The following ULK4 variants were observed in gnomAD, a reference collection of about 807,000 sequenced individuals.
The protein encoded by ULK4 is inactive serine/threonine-protein kinase ULK4.
In ULK4, 133 loss-of-function variants were observed where a neutral mutation model predicts 160.6. That is an observed-to-expected ratio of 0.83 (90% CI 0.72 to 0.96). The LOEUF (loss-of-function observed/expected upper bound fraction) is 0.96. ULK4 is among the 40% of genes least tolerant of loss of function. ULK4 has a pLI of 0.00. For missense variants in ULK4, 1,580 were observed against 1,499.5 expected (o/e 1.05, Z -0.89); for synonymous variants, 534 against 539.8 (o/e 0.99, Z 0.15).
intron 35 of ULK4, among the ~76,000 whole-genome samples, chr3:41,371,471 C>G (rs772768783): frequency 3.9e-5 from 6 of 152,190 alleles, no homozygotes; most frequent in Non-Finnish European, 8.8e-5. Flanking sequence ...CTTTGCTGTT[C>G]TGCAGCCTCT....
At chr3:41,538,211 A>G (rs2086575845) in intron 32 of ULK4, among the ~76,000 whole-genome samples, 2 of 152,284 alleles carry the variant, frequency 1.3e-5, no homozygotes, top group Admixed American at 6.5e-5. Context: ...TAATCATATT[A>G]GAGTCTAGAG....
intron 34 of ULK4, among the ~76,000 whole-genome samples, chr3:41,424,497 C>T (rs2082732600): frequency 6.6e-6 from 1 of 152,170 alleles, no homozygotes; most frequent in Non-Finnish European, 1.5e-5. Context: ...TTGCCAGACA[C>T]CTTATACAAG....
intron 35 of ULK4, among the ~76,000 whole-genome samples, chr3:41,361,338 A>G (rs1366714181): frequency 6.6e-6 from 1 of 152,212 alleles, no homozygotes; most frequent in Non-Finnish European, 1.5e-5. Context: ...CTGATTGAGA[A>G]AACTCCAATT....
chr3:41,616,309 C>T (rs764126790), intron 30 of ULK4, among the ~76,000 whole-genome samples: 6 of 152,146 alleles, frequency 3.9e-5, no homozygotes, highest in Non-Finnish European at 5.9e-5. Context: ...TCAAAAGTCA[C>T]AGTTTTGATT....
At chr3:41,296,210 C>T (rs1442385633) in intron 35 of ULK4, among the ~76,000 whole-genome samples, 2 of 152,144 alleles carry the variant, frequency 1.3e-5, no homozygotes, top group African/African-American at 2.4e-5. Flanking sequence ...TGTGTGGAGG[C>T]AGAAAGTATA....
chr3:41,875,190 AATAAG>A (rs551729350), intron 17 of ULK4, among the ~76,000 whole-genome samples: 207 of 152,296 alleles, frequency 1.4e-3, no homozygotes, highest in Non-Finnish European at 2.1e-3. Context: ...ACAAAAATTA[AATAAG>A]ATAAATTTCA....
chr3:41,747,499 T>G (rs2125888531), intron 22 of ULK4, among the ~76,000 whole-genome samples: 1 of 152,068 alleles, frequency 6.6e-6, no homozygotes, highest in South Asian at 2.1e-4. Context: ...AAAATGGTAG[T>G]TAGGAATTAA....
At chr3:41,679,081 A>G (rs60885140) in intron 29 of ULK4, among the ~76,000 whole-genome samples, 5,701 of 152,294 alleles carry the variant, frequency 0.037, 332 homozygotes, top group African/African-American at 0.13. Flanking sequence ...TTGAGCCCTT[A>G]CTATATATGC....
chr3:41,617,419 A>AAT (rs1273505843), intron 30 of ULK4, among the ~76,000 whole-genome samples: 4 of 152,198 alleles, frequency 2.6e-5, no homozygotes. Flanking sequence ...CTTCCTGAGG[A>AAT]ATAAGCAGGC....
At chr3:41,248,979 T>C (rs1388511957) in intron 36 of ULK4, among the ~76,000 whole-genome samples, 1 of 152,242 alleles carries the variant, frequency 6.6e-6, no homozygotes, top group Non-Finnish European at 1.5e-5. Flanking sequence ...TACGCAGTTC[T>C]GTGTGGTCCC....
intron 32 of ULK4, among the ~76,000 whole-genome samples, chr3:41,501,493 G>A (rs571397910): frequency 6.6e-5 from 10 of 152,150 alleles, no homozygotes; most frequent in East Asian, 3.9e-4. Context: ...GCAAGACTCC[G>A]TCTCAAAACA....
intron 21 of ULK4, among the ~76,000 whole-genome samples, chr3:41,774,847 G>C (rs1246797239): frequency 6.6e-6 from 1 of 150,428 alleles, no homozygotes; most frequent in Non-Finnish European, 1.5e-5. Flanking sequence ...TGATAGATTG[G>C]ATTAAGAAAA....
At chr3:41,395,345 T>A (rs1360477576) in intron 35 of ULK4, among the ~76,000 whole-genome samples, 2 of 151,930 alleles carry the variant, frequency 1.3e-5, no homozygotes, top group African/African-American at 4.8e-5. Flanking sequence ...TTTTAAAAAA[T>A]CAATAAATGG....
chr3:41,703,834 GCA>G (rs35693704), intron 27 of ULK4, among the ~76,000 whole-genome samples: 64,130 of 128,914 alleles, frequency 0.5, 15,713 homozygotes, highest in East Asian at 0.62. Context: ...TAATGCGCAT[GCA>G]CACACACACA....
intron 1 of ULK4, among the ~76,000 whole-genome samples, chr3:41,960,752 G>A (rs1427477309): frequency 6.6e-6 from 1 of 152,094 alleles, no homozygotes; most frequent in Non-Finnish European, 1.5e-5. Context: ...CCCCATTACA[G>A]ACTTCCTAAT....
intron 1 of ULK4, among the ~76,000 whole-genome samples, chr3:41,961,615 C>T (rs1416174358): frequency 2.0e-5 from 3 of 150,350 alleles, no homozygotes; most frequent in African/African-American, 7.4e-5. Context: ...GCTTTCGCGG[C>T]CTCGCTACGT....
rs538247414 is a variant in ULK4 at position 41,902,666 on chromosome 3, C to T, written c.1183-1837G>A. On this transcript the variant is annotated intron_variant, in intron 12 of 36. Coordinates refer to ENST00000301831, the MANE Select transcript of ULK4 (RefSeq NM_017886.4). ...GAAAATCTAAGTTTAAGAACATGGA[C>T]TTTCAATTAAAGAAAAAAAAAGATG... Among the ~76,000 whole-genome samples the T allele has an allele frequency of 2.8e-5, 4 of 145,422 alleles. No homozygotes were observed. The South Asian group carries it at 8.7e-4, about 32-fold the overall frequency.
chr3:41,405,998 T>G (rs2082286412), intron 34 of ULK4, among the ~76,000 whole-genome samples: 1 of 152,216 alleles, frequency 6.6e-6, no homozygotes. Flanking sequence ...AATTTTTGTT[T>G]GTGTTGCAAT....
chr3:41,394,076 C>T (rs563695960), intron 35 of ULK4, among the ~76,000 whole-genome samples: 3 of 152,242 alleles, frequency 2.0e-5, no homozygotes, highest in East Asian at 1.9e-4. Flanking sequence ...ACAGAGACTA[C>T]CACAAGTAGT....
Sources: allele counts gnomAD v4.1 joint callset (sites outside exome capture counted in the v4.1 genomes callset), GRCh38; gene constraint gnomAD v4.1.1; transcripts MANE v1.5; gene names NCBI Gene and HGNC (gene_info 2026-07-23, HGNC 2026-07-21).